Variants in NALCN observed in about 807,000 individuals in gnomAD.
NALCN encodes sodium leak channel NALCN.
In NALCN, 111 loss-of-function variants were observed where a neutral mutation model predicts 225.3. The observed-to-expected ratio is 0.49, with a 90% CI of 0.42 to 0.58. NALCN has a LOEUF of 0.58. Among genes scored for constraint, NALCN ranks in the 20% least tolerant of loss-of-function variants. The pLI is 0.00. For missense variants in NALCN, 1,378 were observed against 2,202.4 expected, an observed-to-expected ratio of 0.63 and a Z score of 7.49; for synonymous variants, 764 against 769.0, an observed-to-expected ratio of 0.99 and a Z score of 0.11.
intron 6 of NALCN, among the ~76,000 whole-genome samples, chr13:101,347,230 T>C (rs374600177): frequency 7.9e-5 from 12 of 152,100 alleles, no homozygotes; most frequent in Admixed American, 3.9e-4. Context: ...ACTTCACCCA[T>C]GATTCAAACA....
At chr13:101,286,632 C>CT (rs969287879) in intron 9 of NALCN, among the ~76,000 whole-genome samples, 1 of 152,068 alleles carries the variant, frequency 6.6e-6, no homozygotes, top group Non-Finnish European at 1.5e-5. Context: ...TTATTTTGGG[C>CT]TTTTTTGTCC....
intron 13 of NALCN, among the ~76,000 whole-genome samples, chr13:101,222,483 A>G (rs556189575): frequency 1.3e-5 from 2 of 152,224 alleles, no homozygotes; most frequent in South Asian, 4.1e-4. Flanking sequence ...ATGTTTCACC[A>G]TCTTACTTCC....
chr13:101,235,160 C>A (rs2041506810), intron 12 of NALCN, among the ~76,000 whole-genome samples: 1 of 151,828 alleles, frequency 6.6e-6, no homozygotes, highest in Non-Finnish European at 1.5e-5. Flanking sequence ...TTATAAAAAA[C>A]TCATCACAAT....
chr13:101,406,567 A>T (rs1412453278), intron 1 of NALCN, among the ~76,000 whole-genome samples: 1 of 152,222 alleles, frequency 6.6e-6, no homozygotes, highest in Non-Finnish European at 1.5e-5. Context: ...TTGTGCAAAT[A>T]GTACAGACAT....
chr13:101,275,567 C>T (rs1332922802), intron 10 of NALCN, among the ~76,000 whole-genome samples: 1 of 152,138 alleles, frequency 6.6e-6, no homozygotes, highest in East Asian at 1.9e-4. Flanking sequence ...TTTCCAGAGT[C>T]TTATCTCTAA....
At chr13:101,167,504 T>C (rs565321959) in intron 15 of NALCN, among the ~76,000 whole-genome samples, 1 of 152,276 alleles carries the variant, frequency 6.6e-6, no homozygotes, top group East Asian at 1.9e-4. Context: ...TTGAGGAGCA[T>C]ACTGAGCGTG....
chr13:101,337,277 A>ATTTATTTAT (rs10642688), intron 7 of NALCN, among the ~76,000 whole-genome samples: 2 of 142,560 alleles, frequency 1.4e-5, no homozygotes, highest in African/African-American at 5.3e-5. Context: ...TTTACTCTTT[A>ATTTATTTAT]TTATTTATTT....
Position 101,089,515 on chromosome 13 carries a change from G to GAAA in NALCN, c.3489+147_3489+148insTTT. On this transcript the variant is annotated intron_variant, in intron 30 of 43. Transcript: ENST00000251127. This position sits in a 1 kb window ranked among gnomAD's most constrained non-coding sequence, Gnocchi z 4.7. ...ATGTGTCTGAAAAGCAGCAATGAGGGAGCTTGTAAAACAGTTATAGAGATT... is the reference window on the plus strand; with the variant it reads ...ATGTGTCTGAAAAGCAGCAATGAGGGAAAAGCTTGTAAAACAGTTATAGAGATT... 1.5e-6 allele frequency: 1 copy of GAAA among 655,170 alleles called. No individual in the cohort carries two copies. The highest frequency in any genetic ancestry group is 2.6e-6 in the Non-Finnish European group (1 of 385,282). 40.6% of individuals were successfully genotyped at this position (655,170 alleles called of 1,614,324 possible).
At chr13:101,156,739 C>T (rs1163358411) in intron 15 of NALCN, among the ~76,000 whole-genome samples, 5 of 152,034 alleles carry the variant, frequency 3.3e-5, no homozygotes, top group Admixed American at 6.6e-5. Context: ...GTGCATGTAA[C>T]GTTGTATCAG....
chr13:101,125,874 T>G (rs534698132), intron 17 of NALCN, among the ~76,000 whole-genome samples: 3 of 152,312 alleles, frequency 2.0e-5, no homozygotes, highest in African/African-American at 7.2e-5. Flanking sequence ...ATAAGTGCTG[T>G]GCTAGCCAGA....
chr13:101,352,783 A>T (rs1299457220), intron 6 of NALCN, among the ~76,000 whole-genome samples: 1 of 152,216 alleles, frequency 6.6e-6, no homozygotes, highest in African/African-American at 2.4e-5. Context: ...TACCTATGAT[A>T]GGAATTTATA....
At chr13:101,347,245 A>T (rs1454850216) in intron 6 of NALCN, among the ~76,000 whole-genome samples, 3 of 151,810 alleles carry the variant, frequency 2.0e-5, no homozygotes, top group Non-Finnish European at 4.4e-5. Context: ...CAAACACCCT[A>T]AGCTATTCCT....
chr13:101,105,849 C>T (rs1205817490), intron 22 of NALCN, among the ~76,000 whole-genome samples: 1 of 152,134 alleles, frequency 6.6e-6, no homozygotes, highest in African/African-American at 2.4e-5. Context: ...CTTCTGCACG[C>T]TTAAATGTCC....
chr13:101,135,053 G>C (rs573521698), intron 17 of NALCN, among the ~76,000 whole-genome samples: 1 of 152,190 alleles, frequency 6.6e-6, no homozygotes, highest in East Asian at 1.9e-4. Flanking sequence ...AAATTAGCCG[G>C]GCGTGGTTGC....
At chr13:101,197,113 A>C (rs1200142664) in intron 13 of NALCN, among the ~76,000 whole-genome samples, 1 of 152,140 alleles carries the variant, frequency 6.6e-6, no homozygotes, top group African/African-American at 2.4e-5. Flanking sequence ...GCTTCTATAC[A>C]TGAGTGGTTC....
chr13:101,275,893 G>A (rs1051034334), intron 10 of NALCN, among the ~76,000 whole-genome samples: 1 of 151,674 alleles, frequency 6.6e-6, no homozygotes, highest in African/African-American at 2.4e-5. Flanking sequence ...GTGAAACCCC[G>A]TCTCTACTAA....
At chr13:101,094,498 A>G (rs2034400388) in intron 28 of NALCN, among the ~76,000 whole-genome samples, 1 of 152,140 alleles carries the variant, frequency 6.6e-6, no homozygotes, top group Non-Finnish European at 1.5e-5. Flanking sequence ...TTTATGCTAT[A>G]ATTAATTTTT....
Position 101,103,453 on chromosome 13 carries a change from T to C in NALCN, c.2890-114A>G, listed in dbSNP as rs1029440149. 9.5e-6 allele frequency: 12 copies of C among 1,265,020 alleles called. No individual in the cohort carries two copies. In the Middle Eastern group the frequency reaches 9.8e-4, roughly 104 times the overall value. The allele number at this position is 1,265,020 out of a possible 1,614,324, so 78.4% of individuals were successfully genotyped here. ...TTTAGCAGAGATTCCACTCACTGGT[T>C]GTACGTGCCATCTGTTAACTTTAAA... is the stretch of plus-strand genomic sequence containing the variant. On this transcript the variant is annotated intron_variant, in intron 25 of 43. Coordinates refer to ENST00000251127, the MANE Select transcript of NALCN (RefSeq NM_052867.4).
Position 101,103,217 on chromosome 13 carries a change from C to G in NALCN, c.3012G>C (p.Arg1004Ser). Reference sequence around the variant, plus strand: ...CGCTGAAAAGTTCTCGAACAACTTTCCTCATCTGGGGCACCAGTTTGAATA... The same window carrying G: ...CGCTGAAAAGTTCTCGAACAACTTTGCTCATCTGGGGCACCAGTTTGAATA... ...LRIFKLVPQM[R>S]KVVRELFSGF... is the part of the protein sequence containing the mutation. Residue 1004 changes from arginine to serine, a missense_variant, in exon 26 of 44, where the codon AGG becomes AGC. Physicochemically the swap from Arg to Ser is moderately radical, Grantham distance 110. Coordinates refer to ENST00000251127, the MANE Select transcript of NALCN (RefSeq NM_052867.4). The G allele has an allele frequency of 6.2e-7, 1 of 1,613,848 alleles. No homozygotes were observed. The highest frequency in any genetic ancestry group is 8.5e-7 in the Non-Finnish European group (1 of 1,179,892).
Sources: gnomAD v4.1 joint callset for allele counts (sites outside exome capture counted in the v4.1 genomes callset) on GRCh38, gnomAD v4.1.1 for gene constraint, Gnocchi (gnomAD v3.1) non-coding constraint, MANE v1.5 for transcripts, NCBI Gene and HGNC (gene_info 2026-07-23, HGNC 2026-07-21) for gene names.